TSPAN11: variants seen among roughly 807,000 people sequenced by gnomAD.
TSPAN11 encodes tetraspanin-11.
In TSPAN11, 29 loss-of-function variants were observed where a neutral mutation model predicts 32.9. That is an observed-to-expected ratio of 0.88 (90% confidence interval 0.66 to 1.20). The LOEUF is 1.20. Ranked by LOEUF, TSPAN11 falls within the 50% of genes most tolerant of loss-of-function variation. TSPAN11 has a pLI of 0.00. For synonymous variants in TSPAN11, 140 were observed against 141.3 expected (o/e 0.99, Z 0.07); for missense variants, 283 against 329.1 (o/e 0.86, Z 1.08).
At chr12:30,941,373 C>T (rs1235444068) in intron 1 of TSPAN11, among the ~76,000 whole-genome samples, 2 of 152,212 alleles carry the variant, frequency 1.3e-5, no homozygotes, top group African/African-American at 4.8e-5. Context: ...ACACTAGCCA[C>T]GGTTATTCCT....
intron 5 of TSPAN11, 151 bp from the exon 6 acceptor site, chr12:30,982,381 T>G: frequency 3.5e-6 from 4 of 1,147,740 alleles, no homozygotes; most frequent in Admixed American, 2.9e-5. Context: ...GCTCAAAGCA[T>G]GGGAAGGGAA....
chr12:30,940,768 C>A (rs1938143899), intron 1 of TSPAN11, among the ~76,000 whole-genome samples: 1 of 152,198 alleles, frequency 6.6e-6, no homozygotes. Flanking sequence ...GGGTCCCTGA[C>A]CCCCAGATCA....
At chr12:30,954,272 G>A (rs1938440509) in intron 2 of TSPAN11, 197 bp downstream of exon 2, 2 of 608,620 alleles carry the variant, frequency 3.3e-6, no homozygotes, top group Non-Finnish European at 5.9e-6. Flanking sequence ...TGGGTCTGCA[G>A]GTTGGCATGG....
At chr12:30,952,124 G>A (rs1938394165) in intron 1 of TSPAN11, among the ~76,000 whole-genome samples, 1 of 152,138 alleles carries the variant, frequency 6.6e-6, no homozygotes, top group Non-Finnish European at 1.5e-5. Flanking sequence ...CCCTGACTCT[G>A]TGGTTTGAGT....
intron 2 of TSPAN11, chr12:30,954,562 C>G (rs957291713): frequency 4.2e-5 from 7 of 168,446 alleles, no homozygotes; most frequent in Non-Finnish European, 7.6e-5. Flanking sequence ...CAACTCTCCT[C>G]AGGAGCCTGC....
rs56296744 is a variant in TSPAN11, at chr12:30,957,228, A to ACC, written c.84+3166_84+3167dup. On this transcript the variant is annotated intron_variant, in intron 2 of 7. Coordinates refer to ENST00000546076, the MANE Select transcript of TSPAN11 (RefSeq NM_001370302.1). ...TTTTTGAGTTGCTGAATGGCCTGGG[A>ACC]CCCCCCCCCCCCCCACACCATGGTC... Among the ~76,000 whole-genome samples the ACC allele has an allele frequency of 4.6e-3, 496 of 107,248 alleles. 33 individuals are homozygous for ACC. Among genetic ancestry groups the ACC allele is most frequent in the East Asian group, 8.7e-3 (33 of 3,800 alleles). The allele number at this position is 107,248 out of a possible 152,430, so 70.4% of individuals were successfully genotyped here.
At chr12:30,971,876 A>G (rs1938859359) in intron 3 of TSPAN11, among the ~76,000 whole-genome samples, 1 of 152,062 alleles carries the variant, frequency 6.6e-6, no homozygotes. Flanking sequence ...TTCAGAGAGT[A>G]CTATGCTGTT....
rs201664737 is a variant in TSPAN11 at position 30,991,862 on chromosome 12, G to C, written c.709G>C (p.Gly237Arg). The C allele has an allele frequency of 6.2e-7, 1 of 1,613,976 alleles. No individual in the cohort carries two copies. Among genetic ancestry groups the C allele is most frequent in the Non-Finnish European group, 8.5e-7 (1 of 1,180,024 alleles). Residue 237 changes from glycine (G) to arginine (R), a missense_variant, in exon 8 of 8, where the codon GGG becomes CGG. Gly to Arg is a moderately radical substitution (Grantham distance 125, BLOSUM62 -2). Transcript: ENST00000546076. ...GIGVACLQIC[G>R]MVLTCCLHQR... ...TGCTCTCTCCACCTGGCAGATCTGC[G>C]GGATGGTTCTCACCTGCTGCTTGCA...
chr12:31,009,330 G>A, the TSPAN11 span, among the ~76,000 whole-genome samples: 5 of 152,316 alleles, frequency 3.3e-5, no homozygotes, highest in African/African-American at 9.6e-5. Flanking sequence ...GGCTGCAACT[G>A]TCTGTACCCC....
chr12:30,999,406 T>G (rs1000358549), downstream of TSPAN11: 3 of 152,010 alleles, frequency 2.0e-5, no homozygotes, highest in African/African-American at 7.2e-5. Flanking sequence ...AGTCAAAAAT[T>G]CATGTTAAAT....
chr12:30,945,217 C>A (rs960475256), intron 1 of TSPAN11, among the ~76,000 whole-genome samples: 1 of 152,042 alleles, frequency 6.6e-6, no homozygotes, highest in Non-Finnish European at 1.5e-5. Context: ...AGAATGAACA[C>A]CCCTCCCTCT....
At chr12:30,942,347 C>T (rs1339837642) in intron 1 of TSPAN11, among the ~76,000 whole-genome samples, 1 of 152,176 alleles carries the variant, frequency 6.6e-6, no homozygotes. Context: ...GGAAGGGAGG[C>T]TCTGGAGGTC....
At chr12:30,967,173 T>C in intron 3 of TSPAN11, among the ~76,000 whole-genome samples, 1 of 152,212 alleles carries the variant, frequency 6.6e-6, no homozygotes, top group East Asian at 1.9e-4. Flanking sequence ...CATTCCACAC[T>C]TCCTCTTACA....
intron 7 of TSPAN11, 87 bp from the exon 8 acceptor site, chr12:30,991,769 T>C: frequency 1.4e-6 from 2 of 1,433,772 alleles, no homozygotes; most frequent in Non-Finnish European, 2.0e-6. Context: ...GGTATTCGAG[T>C]GAGCAGCACT....
At position 30,991,743 on chromosome 12, in the gene TSPAN11, T is replaced by C. The variant is rs1565806510; in HGVS notation, c.703-113T>C. The C allele has an allele frequency of 3.5e-6, 4 of 1,158,052 alleles. No homozygotes were observed. In the African/African-American group the frequency reaches 6.2e-5, roughly 18 times the overall value. The allele number at this position is 1,158,052 out of a possible 1,614,324, so 71.7% of individuals were successfully genotyped here. A position where few individuals can be genotyped will look rare whatever the true frequency, so the allele number is the denominator to read the frequency against. ...AGCAGTTTTGAGCAGGAATCTGCCCTTTGCCCAGGCCCCAGGGTATTCGAG... is the reference window on the plus strand; with the variant it reads ...AGCAGTTTTGAGCAGGAATCTGCCCCTTGCCCAGGCCCCAGGGTATTCGAG... On this transcript the variant is annotated intron_variant, in intron 7 of 7. Coordinates refer to ENST00000546076, the MANE Select transcript of TSPAN11 (RefSeq NM_001370302.1).
At chr12:30,945,097 T>C (rs2140278089) in intron 1 of TSPAN11, among the ~76,000 whole-genome samples, 2 of 152,268 alleles carry the variant, frequency 1.3e-5, no homozygotes, top group South Asian at 4.1e-4. Context: ...CCCATCTGAC[T>C]GGGCAGCCCC....
At chr12:30,962,900 C>T (rs772172017) in intron 2 of TSPAN11, among the ~76,000 whole-genome samples, 7 of 152,216 alleles carry the variant, frequency 4.6e-5, no homozygotes, top group Non-Finnish European at 8.8e-5. Flanking sequence ...CCTGAAGATG[C>T]TGTGCATGTG....
At chr12:30,955,759 G>A (rs1050136235) in intron 2 of TSPAN11, among the ~76,000 whole-genome samples, 1 of 152,102 alleles carries the variant, frequency 6.6e-6, no homozygotes, top group Non-Finnish European at 1.5e-5. Context: ...CAAGGCCTCT[G>A]TCATCACACA....
chr12:30,970,622 A>T (rs12579376), intron 3 of TSPAN11, among the ~76,000 whole-genome samples: 7,907 of 152,172 alleles, frequency 0.052, 632 homozygotes, highest in East Asian at 0.37. Flanking sequence ...CAGAACCACA[A>T]GTCAGTATCA....
Sources: allele counts gnomAD v4.1 joint callset (sites outside exome capture counted in the v4.1 genomes callset), GRCh38; gene constraint gnomAD v4.1.1; transcripts MANE v1.5; gene names NCBI Gene and HGNC (gene_info 2026-07-23, HGNC 2026-07-21).